Variants in SLC39A12 observed in about 807,000 individuals in gnomAD.
SLC39A12 encodes the protein solute carrier family 39 member 12, also known as zinc transporter ZIP12.
Under a neutral mutation model 71.1 loss-of-function variants are expected in SLC39A12, and 63 were observed. That is an observed-to-expected ratio of 0.89 (90% CI 0.72 to 1.09). SLC39A12 has a LOEUF of 1.09. Among genes scored for constraint, SLC39A12 ranks in the 50% least tolerant of loss-of-function variants. The pLI is 0.00. For missense variants in SLC39A12, 892 were observed against 812.6 expected, an observed-to-expected ratio of 1.10 and a Z score of -1.19; for synonymous variants, 351 against 301.3, an observed-to-expected ratio of 1.16 and a Z score of -1.71.
At chr10:17,967,494 G>GGGAA (rs1226540698) in intron 4 of SLC39A12, among the ~76,000 whole-genome samples, 2 of 152,136 alleles carry the variant, frequency 1.3e-5, no homozygotes, top group East Asian at 3.9e-4. Context: ...AGGTTCTTAA[G>GGGAA]GGAAGGTAAA....
rs192976379 is a variant in SLC39A12 at position 17,969,076 on chromosome 10, A to G, written c.751+3386A>G. Among the ~76,000 whole-genome samples the G allele has an allele frequency of 1.4e-4, 21 of 152,314 alleles. No individual in the cohort carries two copies. The East Asian group carries it at 3.7e-3, about 27-fold the overall frequency. ...CTGTGCTTGGCTTATTTCACTTAAC[A>G]TAGTGTTTTCCAGTTTCATCCATGT... On this transcript the variant is annotated intron_variant, in intron 4 of 12. Transcript: ENST00000377369.
At chr10:17,953,981 A>G (rs1290349700) in intron 2 of SLC39A12, among the ~76,000 whole-genome samples, 3 of 152,182 alleles carry the variant, frequency 2.0e-5, no homozygotes, top group African/African-American at 7.2e-5. Context: ...TTCTAATATT[A>G]TGCATGGCGG....
At chr10:17,963,338 G>A (rs781808334) in intron 3 of SLC39A12, among the ~76,000 whole-genome samples, 2 of 152,164 alleles carry the variant, frequency 1.3e-5, no homozygotes, top group African/African-American at 2.4e-5. Flanking sequence ...ACTGCCTCAT[G>A]GGTAACTCAG....
intron 6 of SLC39A12, among the ~76,000 whole-genome samples, chr10:17,985,098 C>T (rs1835366652): frequency 6.6e-6 from 1 of 152,144 alleles, no homozygotes; most frequent in Non-Finnish European, 1.5e-5. Flanking sequence ...AATTTCAGCT[C>T]TTTGGGAGGC....
In SLC39A12 at chr10:17,977,895, T is replaced by C; in HGVS notation, c.752-7T>C. 1.3e-6 allele frequency: 2 copies of C among 1,563,260 alleles called. No homozygotes were observed. The highest frequency in any genetic ancestry group is 1.7e-6 in the Non-Finnish European group (2 of 1,160,896). ...ATGTGACACCAGATTTTATATGAAA[T>C]TTCTAGAACTAGACCAACTCCTCAA... On this transcript the variant is annotated splice_polypyrimidine_tract_variant and splice_region_variant and intron_variant, in intron 4 of 12. Transcript: ENST00000377369.
chr10:18,006,337 A>G (rs913017443), intron 12 of SLC39A12, among the ~76,000 whole-genome samples: 1 of 152,238 alleles, frequency 6.6e-6, no homozygotes, highest in Non-Finnish European at 1.5e-5. Context: ...TCTCCAAAGT[A>G]GAATTGGCTT....
rs1401289998 is a variant in SLC39A12 at position 18,036,780 on chromosome 10, ATATATATATATATAT to A, written c.1948-5923_1948-5909del. 2.8e-4 allele frequency among the ~76,000 whole-genome samples: 2 copies of A among 7,054 alleles called. 1 individual carries two copies. Among genetic ancestry groups the A allele is most frequent in the South Asian group, 4.8e-3 (2 of 416 alleles). The allele number at this position is 7,054 out of a possible 152,430, so 4.6% of individuals were successfully genotyped here. A position where few individuals can be genotyped will look rare whatever the true frequency, so the allele number is the denominator to read the frequency against. On this transcript the variant is annotated intron_variant, in intron 12 of 12. Coordinates refer to ENST00000377369, the MANE Select transcript of SLC39A12 (RefSeq NM_001145195.2). ...TATATATATATATATATATATATAT[ATATATATATATATAT>A]TTTTTTTTTTAATGGAATCTCACTC... is the stretch of plus-strand genomic sequence containing the variant.
At chr10:18,036,855 C>T (rs560269671) in intron 12 of SLC39A12, among the ~76,000 whole-genome samples, 1 of 145,374 alleles carries the variant, frequency 6.9e-6, no homozygotes, top group Non-Finnish European at 1.5e-5. Flanking sequence ...GGCACAGTCT[C>T]GACTCACTGC....
intron 4 of SLC39A12, among the ~76,000 whole-genome samples, chr10:17,974,552 GA>G (rs1835055872): frequency 6.6e-6 from 1 of 152,208 alleles, no homozygotes; most frequent in East Asian, 1.9e-4. Context: ...TCCTGGACAA[GA>G]TCCTGGAGAA....
chr10:18,035,181 C>T (rs1256114285), intron 12 of SLC39A12, among the ~76,000 whole-genome samples: 2 of 149,282 alleles, frequency 1.3e-5, no homozygotes, highest in Admixed American at 1.3e-4. Flanking sequence ...TTTCCTGAAT[C>T]TGAATGTTGG....
chr10:18,026,475 T>G (rs1342003893), intron 12 of SLC39A12, among the ~76,000 whole-genome samples: 1 of 152,182 alleles, frequency 6.6e-6, no homozygotes, highest in Non-Finnish European at 1.5e-5. Context: ...TCTTTCATTT[T>G]CTGAAGTTTA....
chr10:17,960,786 G>T (rs1348885597), intron 2 of SLC39A12, among the ~76,000 whole-genome samples: 3 of 152,128 alleles, frequency 2.0e-5, no homozygotes, highest in Admixed American at 6.5e-5. Flanking sequence ...AGATGTGCTG[G>T]TAAGCATAAA....
chr10:18,040,032 G>A (rs1228905075), intron 12 of SLC39A12, among the ~76,000 whole-genome samples: 1 of 152,100 alleles, frequency 6.6e-6, no homozygotes, highest in Non-Finnish European at 1.5e-5. Flanking sequence ...TGAGAAACTT[G>A]CAACAGTTAC....
At chr10:17,995,967 C>A (rs1835672878) in intron 10 of SLC39A12, among the ~76,000 whole-genome samples, 1 of 152,160 alleles carries the variant, frequency 6.6e-6, no homozygotes, top group South Asian at 2.1e-4. Context: ...AAACTAATTC[C>A]CTTCAGGGGA....
chr10:18,041,905 A>G (rs1216839217), intron 12 of SLC39A12, among the ~76,000 whole-genome samples: 1 of 147,884 alleles, frequency 6.8e-6, no homozygotes, highest in Non-Finnish European at 1.5e-5. Flanking sequence ...GTATATGTAT[A>G]TATGTATACA....
At chr10:18,008,939 T>C (rs1231191044) in intron 12 of SLC39A12, among the ~76,000 whole-genome samples, 1 of 152,182 alleles carries the variant, frequency 6.6e-6, no homozygotes, top group African/African-American at 2.4e-5. Context: ...CCAGCTTCTC[T>C]AAAGTTTATA....
chr10:18,036,777 TATATATATATATATATA>T (rs1240307613), intron 12 of SLC39A12, among the ~76,000 whole-genome samples: 327 of 18,696 alleles, frequency 0.017, 26 homozygotes, highest in Middle Eastern at 0.043. Context: ...TATATATATA[TATATATATATATATATA>T]TTTTTTTTTT....
chr10:17,972,111 G>A (rs186708732), intron 4 of SLC39A12, among the ~76,000 whole-genome samples: 4 of 152,168 alleles, frequency 2.6e-5, no homozygotes, highest in Admixed American at 2.6e-4. Flanking sequence ...AGGAGCTATT[G>A]TTTAATTTCC....
At chr10:17,968,582 T>G (rs2130789977) in intron 4 of SLC39A12, among the ~76,000 whole-genome samples, 1 of 152,174 alleles carries the variant, frequency 6.6e-6, no homozygotes, top group East Asian at 1.9e-4. Context: ...GAGAATGGCT[T>G]TTTTAAACCT....
Sources: gnomAD v4.1 joint callset for allele counts (sites outside exome capture counted in the v4.1 genomes callset) on GRCh38, gnomAD v4.1.1 for gene constraint, MANE v1.5 for transcripts, NCBI Gene and HGNC (gene_info 2026-07-23, HGNC 2026-07-21) for gene names.